The following TGFBR2 variants were observed in gnomAD, a reference collection of about 807,000 sequenced individuals.
TGFBR2 encodes the protein TGF-beta receptor type-2.
Under a neutral mutation model 49.0 loss-of-function variants are expected in TGFBR2, and 18 were observed. The observed-to-expected ratio is 0.37, with a 90% CI of 0.25 to 0.54. The LOEUF is 0.54. TGFBR2 is among the 20% of genes least tolerant of loss of function. TGFBR2 has a pLI of 0.85. For synonymous variants in TGFBR2, 282 were observed against 275.9 expected, an observed-to-expected ratio of 1.02 and a Z score of -0.22; for missense variants, 525 against 722.6, an observed-to-expected ratio of 0.73 and a Z score of 3.13.
intron 1 of TGFBR2, among the ~76,000 whole-genome samples, chr3:30,622,031 T>C (rs1698240534): frequency 6.6e-6 from 1 of 152,222 alleles, no homozygotes; most frequent in African/African-American, 2.4e-5. Context: ...ATTTTGTTCT[T>C]CCTTATGTCT....
intron 3 of TGFBR2, among the ~76,000 whole-genome samples, chr3:30,665,537 T>G (rs763940271): frequency 2.0e-5 from 3 of 152,152 alleles, no homozygotes; most frequent in African/African-American, 4.8e-5. Context: ...AAGGAGGGCT[T>G]CTCCTCAAAT....
chr3:30,634,703 T>C (rs1040196424), intron 1 of TGFBR2, among the ~76,000 whole-genome samples: 6 of 152,210 alleles, frequency 3.9e-5, no homozygotes, highest in African/African-American at 1.4e-4. Flanking sequence ...TAATCATCTT[T>C]TATTTTCAAT....
intron 3 of TGFBR2, among the ~76,000 whole-genome samples, chr3:30,652,232 G>GTTTTTTTTTTTT (rs11386584): frequency 3.1e-5 from 3 of 97,030 alleles, no homozygotes; most frequent in Admixed American, 1.5e-4. Flanking sequence ...TTTTCTGGTT[G>GTTTTTTTTTTTT]TTTTTTTTTT....
intron 3 of TGFBR2, among the ~76,000 whole-genome samples, chr3:30,667,671 G>T (rs1699268042): frequency 6.6e-6 from 1 of 152,148 alleles, no homozygotes; most frequent in African/African-American, 2.4e-5. Context: ...GGCTAAAAAG[G>T]AATTGAAATT....
At chr3:30,640,010 A>AAT (rs1375127746) in intron 1 of TGFBR2, among the ~76,000 whole-genome samples, 5 of 152,216 alleles carry the variant, frequency 3.3e-5, no homozygotes, top group African/African-American at 1.2e-4. Flanking sequence ...CCTCAAAGAC[A>AAT]ATAGTACAGT....
At chr3:30,689,861 T>A (rs78683990) in intron 6 of TGFBR2, among the ~76,000 whole-genome samples, 69 of 152,342 alleles carry the variant, frequency 4.5e-4, no homozygotes, top group Non-Finnish European at 8.1e-4. Flanking sequence ...TGAGATTTGT[T>A]GCCCTATTGA....
intron 5 of TGFBR2, among the ~76,000 whole-genome samples, chr3:30,677,513 A>T (rs1443484077): frequency 6.6e-6 from 1 of 152,192 alleles, no homozygotes; most frequent in Non-Finnish European, 1.5e-5. Context: ...CGTTCACTTG[A>T]TTAAGCGTGT....
At chr3:30,627,539 A>G (rs1170574350) in intron 1 of TGFBR2, among the ~76,000 whole-genome samples, 1 of 152,036 alleles carries the variant, frequency 6.6e-6, no homozygotes, top group Non-Finnish European at 1.5e-5. Flanking sequence ...CTGTTACTTC[A>G]TAATCTCTAT....
At chr3:30,637,913 A>G (rs1435952306) in intron 1 of TGFBR2, among the ~76,000 whole-genome samples, 1 of 152,260 alleles carries the variant, frequency 6.6e-6, no homozygotes, top group Non-Finnish European at 1.5e-5. Context: ...TATCAATAAC[A>G]TGTACTCCTG....
intron 5 of TGFBR2, among the ~76,000 whole-genome samples, chr3:30,687,101 A>C (rs1227592084): frequency 6.6e-6 from 1 of 152,226 alleles, no homozygotes; most frequent in Non-Finnish European, 1.5e-5. Context: ...ATATGCACGA[A>C]TAGAGCCCTG....
At chr3:30,635,754 G>A (rs1698516009) in intron 1 of TGFBR2, among the ~76,000 whole-genome samples, 1 of 152,114 alleles carries the variant, frequency 6.6e-6, no homozygotes, top group African/African-American at 2.4e-5. Flanking sequence ...ACAAATTTAT[G>A]TTTATGCAGT....
At chr3:30,624,369 G>A (rs556073774) in intron 1 of TGFBR2, among the ~76,000 whole-genome samples, 1 of 152,252 alleles carries the variant, frequency 6.6e-6, no homozygotes, top group South Asian at 2.1e-4. Flanking sequence ...TGTAATCCCG[G>A]ATCTTTGGGA....
intron 3 of TGFBR2, 86 bp downstream of exon 3, chr3:30,650,546 C>T: frequency 6.4e-6 from 9 of 1,398,226 alleles, no homozygotes; most frequent in South Asian, 1.2e-5. Context: ...AGAGCACATT[C>T]CTCCTGTGGT....
intron 1 of TGFBR2, among the ~76,000 whole-genome samples, chr3:30,636,337 T>C (rs926631849): frequency 2.0e-5 from 3 of 152,146 alleles, no homozygotes; most frequent in Non-Finnish European, 2.9e-5. Context: ...ATATTAGTAT[T>C]ACAAAAACAT....
chr3:30,626,001 G>A (rs1212818869), intron 1 of TGFBR2, among the ~76,000 whole-genome samples: 6 of 152,136 alleles, frequency 3.9e-5, no homozygotes, highest in Non-Finnish European at 7.4e-5. Context: ...GATCACCTGC[G>A]AACTTCTAAA....
At chr3:30,647,657 T>A (rs970194904) in intron 2 of TGFBR2, among the ~76,000 whole-genome samples, 8 of 149,412 alleles carry the variant, frequency 5.4e-5, no homozygotes, top group African/African-American at 2.0e-4. Context: ...ATAGAAATAT[T>A]TTATAACCAA....
intron 1 of TGFBR2, 150 bp downstream of exon 1, chr3:30,607,127 C>T: frequency 1.6e-6 from 1 of 636,720 alleles, no homozygotes; most frequent in Non-Finnish European, 2.8e-6. Flanking sequence ...CAGCCCGACT[C>T]CCGTAGCTGC....
chr3:30,657,362 C>T (rs17026078), intron 3 of TGFBR2, among the ~76,000 whole-genome samples: 295 of 152,176 alleles, frequency 1.9e-3, no homozygotes, highest in Admixed American at 6.7e-3. Context: ...TTTCCATGTC[C>T]GTGAGAAATG....
intron 1 of TGFBR2, 94 bp from the exon 2 acceptor site, chr3:30,644,653 A>G: frequency 2.5e-6 from 3 of 1,198,250 alleles, no homozygotes; most frequent in Admixed American, 3.8e-5. Context: ...TCATGACATC[A>G]AGTTCATTTG....
Sources: allele counts gnomAD v4.1 joint callset (sites outside exome capture counted in the v4.1 genomes callset), GRCh38; gene constraint gnomAD v4.1.1; transcripts MANE v1.5; gene names NCBI Gene and HGNC (gene_info 2026-07-23, HGNC 2026-07-21).